Variants in CACNA1D observed in about 807,000 individuals in gnomAD.
CACNA1D encodes calcium voltage-gated channel subunit alpha1 D, also known as voltage-dependent L-type calcium channel subunit alpha-1D.
Under a neutral mutation model 257.1 loss-of-function variants are expected in CACNA1D, and 55 were observed. That is an observed-to-expected ratio of 0.21 (90% confidence interval 0.17 to 0.27). The LOEUF is 0.27. Ranked by LOEUF, CACNA1D falls within the 10% of genes least tolerant of loss-of-function variation. The pLI is 1.00. For missense variants in CACNA1D, 1,876 were observed against 2,784.0 expected (o/e 0.67, Z 7.34); for synonymous variants, 980 against 1,014.9 (o/e 0.97, Z 0.65).
chr3:53,597,432 G>T (rs1280403140), intron 3 of CACNA1D, among the ~76,000 whole-genome samples: 1 of 152,216 alleles, frequency 6.6e-6, no homozygotes, highest in African/African-American at 2.4e-5. Flanking sequence ...GTGGAGTGGG[G>T]ATGAAACCCA....
chr3:53,629,520 C>T (rs995173854), intron 3 of CACNA1D, among the ~76,000 whole-genome samples: 2 of 152,232 alleles, frequency 1.3e-5, no homozygotes, highest in African/African-American at 2.4e-5. Flanking sequence ...CAGTCTGTCA[C>T]TGGGGTGACT....
intron 30 of CACNA1D, among the ~76,000 whole-genome samples, chr3:53,767,962 C>T (rs2095343876): frequency 6.6e-6 from 1 of 152,204 alleles, no homozygotes; most frequent in Non-Finnish European, 1.5e-5. Context: ...GCATGTTGTG[C>T]TGCCCTCTCC....
At chr3:53,591,204 A>G (rs945225064) in intron 3 of CACNA1D, among the ~76,000 whole-genome samples, 7 of 151,978 alleles carry the variant, frequency 4.6e-5, no homozygotes, top group Non-Finnish European at 1.0e-4. Context: ...CTTTCCTTGA[A>G]TCCAATGTTC....
intron 8 of CACNA1D, among the ~76,000 whole-genome samples, chr3:53,691,474 A>G (rs937049996): frequency 6.6e-6 from 1 of 151,234 alleles, no homozygotes; most frequent in Admixed American, 6.6e-5. Flanking sequence ...TTAGCATGCA[A>G]CCTTCATGGA....
At position 53,751,888 on chromosome 3, in the gene CACNA1D, C is replaced by T; in HGVS notation, c.3656C>T (p.Thr1219Ile). The change falls in exon 28 of 48, where the codon ACA (threonine) becomes ATA (isoleucine). Residue 1219 changes from threonine (T) to isoleucine (I), a missense_variant. Thr to Ile is a moderately conservative substitution (Grantham distance 89). Around this residue, in one of 10 missense-constraint regions of CACNA1D, gnomAD observed 204 missense variants for 309.4 expected, o/e 0.66. Transcript: ENST00000350061. The surrounding 1 kb of genome is among the most constrained non-coding windows in gnomAD (Gnocchi z 4.3). ...YMMFVLIMLNTLCLAMQHYEQ... is the reference protein window; with the variant it reads ...YMMFVLIMLNILCLAMQHYEQ... Reference sequence around the variant, plus strand: ...ATGTTTGTCCTCATCATGCTCAACACACTCTGCTTGGCCATGCAGGTAAAA... The same window carrying T: ...ATGTTTGTCCTCATCATGCTCAACATACTCTGCTTGGCCATGCAGGTAAAA... 6.2e-7 allele frequency: 1 copy of T among 1,614,110 alleles called. No individual in the cohort carries two copies. The highest frequency in any genetic ancestry group is 8.5e-7 in the Non-Finnish European group (1 of 1,180,014).
rs541647022 is a variant in CACNA1D, at chr3:53,626,065, G to A, written c.484-24714G>A. Among the ~76,000 whole-genome samples, 7 of 152,296 alleles carry A rather than the reference G, an allele frequency of 4.6e-5. 1 individual carries two copies. The highest frequency in any genetic ancestry group is 7.4e-5 in the Non-Finnish European group (5 of 68,020). ...GCTTAGAAGCTGGAAACTGGCCAAC[G>A]AAATGCACAGAATTGCTGGAATTCT... On this transcript the variant is annotated intron_variant, in intron 3 of 47. Coordinates refer to ENST00000350061, the MANE Select transcript of CACNA1D (RefSeq NM_001128840.3).
chr3:53,791,022 G>A lies in CACNA1D; in HGVS notation c.4923+4070G>A, dbSNP rs759156401. 1.9e-5 allele frequency: 13 copies of A among 702,288 alleles called. No individual in the cohort carries two copies. The South Asian group carries it at 1.9e-4, about 10-fold the overall frequency. 43.5% of individuals were successfully genotyped at this position (702,288 alleles called of 1,614,324 possible). A position where few individuals can be genotyped will look rare whatever the true frequency, so the allele number is the denominator to read the frequency against. Reference sequence around the variant, plus strand: ...TTTAGAATTTTCTGCCTGAGCTACGGCACCAAGCTGGTTAGTCGGAAGGCG... The same window carrying A: ...TTTAGAATTTTCTGCCTGAGCTACGACACCAAGCTGGTTAGTCGGAAGGCG... On this transcript the variant is annotated intron_variant, in intron 40 of 47. Transcript: ENST00000350061.
At chr3:53,661,479 CAG>C (rs973018502) in intron 5 of CACNA1D, among the ~76,000 whole-genome samples, 1 of 152,186 alleles carries the variant, frequency 6.6e-6, no homozygotes, top group African/African-American at 2.4e-5. Flanking sequence ...TTGAGAAAAA[CAG>C]AAATACCTTG....
chr3:53,730,977 G>T (rs905393391), intron 16 of CACNA1D, 100 bp from the exon 17 acceptor site: 5 of 762,740 alleles, frequency 6.6e-6, no homozygotes, highest in Admixed American at 2.1e-5. Context: ...ATTAAATTCT[G>T]TCCTTCATTG....
At chr3:53,596,971 C>A (rs9843922) in intron 3 of CACNA1D, among the ~76,000 whole-genome samples, 22,223 of 152,088 alleles carry the variant, frequency 0.15, 1,748 homozygotes, top group South Asian at 0.2. Flanking sequence ...TGACTTTTGG[C>A]ATTCCTTCAA....
chr3:53,635,229 A>C (rs762381793), intron 3 of CACNA1D, among the ~76,000 whole-genome samples: 2 of 152,136 alleles, frequency 1.3e-5, no homozygotes, highest in African/African-American at 4.8e-5. Context: ...TGGAGGACAC[A>C]TGTGACACAC....
intron 3 of CACNA1D, among the ~76,000 whole-genome samples, chr3:53,614,560 A>T (rs1019810809): frequency 1.3e-4 from 20 of 152,250 alleles, no homozygotes; most frequent in Non-Finnish European, 2.8e-4. Context: ...TACAACCAGG[A>T]ACAAAATGCT....
intron 14 of CACNA1D, among the ~76,000 whole-genome samples, chr3:53,725,082 C>T (rs955357651): frequency 6.6e-6 from 1 of 151,460 alleles, no homozygotes; most frequent in Non-Finnish European, 1.5e-5. Flanking sequence ...CCCAGCCAGC[C>T]ACAAATTTCC....
intron 3 of CACNA1D, among the ~76,000 whole-genome samples, chr3:53,555,205 A>G (rs2092615259): frequency 6.6e-6 from 1 of 152,224 alleles, no homozygotes; most frequent in African/African-American, 2.4e-5. Flanking sequence ...TCAAACATTT[A>G]GTGTCACGGG....
At chr3:53,630,474 T>A (rs1415623320) in intron 3 of CACNA1D, among the ~76,000 whole-genome samples, 1 of 152,244 alleles carries the variant, frequency 6.6e-6, no homozygotes, top group Non-Finnish European at 1.5e-5. Flanking sequence ...ATCTCATTAT[T>A]TGAGACAGTA....
intron 3 of CACNA1D, among the ~76,000 whole-genome samples, chr3:53,633,077 A>C (rs1175274345): frequency 1.3e-5 from 2 of 152,248 alleles, no homozygotes; most frequent in Non-Finnish European, 2.9e-5. Flanking sequence ...AAGCTCAATA[A>C]AGTGTGAAGT....
chr3:53,735,488 C>T lies in CACNA1D; in HGVS notation c.2736C>T (p.His912=), dbSNP rs781197634. The change falls in exon 20 of 48, where the codon CAC becomes CAT. Residue 912 remains histidine, a synonymous_variant. Coordinates refer to ENST00000350061, the MANE Select transcript of CACNA1D (RefSeq NM_001128840.3). ...ALAAEDPIRS[H]SFRNTILGYF... ...CCGCAGAGGACCCCATCCGCAGCCA[C>T]TCCTTCCGGAACACGGTAAGTCCCC... 1.9e-6 allele frequency: 3 copies of T among 1,613,952 alleles called. No homozygotes were observed. Among genetic ancestry groups the T allele is most frequent in the Non-Finnish European group, 2.5e-6 (3 of 1,179,910 alleles).
Position 53,745,705 on chromosome 3 carries a change from G to A in CACNA1D, c.3088G>A (p.Ala1030Thr), listed in dbSNP as rs1306373193. 6.2e-7 allele frequency: 1 copy of A among 1,613,922 alleles called. No individual in the cohort carries two copies. The highest frequency in any genetic ancestry group is 1.3e-5 in the African/African-American group (1 of 75,028). Reference protein sequence around the residue: ...IVTTLLQFMFACIGVQLFKGK... With the variant: ...IVTTLLQFMFTCIGVQLFKGK... Reference sequence around the variant, plus strand: ...CACCACCCTCCTGCAGTTCATGTTTGCCTGTATCGGGGTCCAGTTGTTCAA... The same window carrying A: ...CACCACCCTCCTGCAGTTCATGTTTACCTGTATCGGGGTCCAGTTGTTCAA... The change falls in exon 24 of 48, where the codon GCC becomes ACC. Residue 1030 changes from alanine to threonine, a missense_variant. Physicochemically the swap from Ala to Thr is moderately conservative, Grantham distance 58. Coordinates refer to ENST00000350061, the MANE Select transcript of CACNA1D (RefSeq NM_001128840.3).
intron 40 of CACNA1D, among the ~76,000 whole-genome samples, chr3:53,790,112 A>G (rs980373943): frequency 6.6e-6 from 1 of 152,102 alleles, no homozygotes; most frequent in African/African-American, 2.4e-5. Context: ...CCTCTTGCGC[A>G]TCTCCTACAT....
Sources: gnomAD v4.1 joint callset for allele counts (sites outside exome capture counted in the v4.1 genomes callset) on GRCh38, gnomAD v4.1.1 for gene constraint, gnomAD v4.1.1 regional missense constraint, Gnocchi (gnomAD v3.1) non-coding constraint, MANE v1.5 for transcripts, NCBI Gene and HGNC (gene_info 2026-07-23, HGNC 2026-07-21) for gene names.